CTNNA3: variants seen among roughly 807,000 people sequenced by gnomAD.
CTNNA3 encodes catenin alpha 3, also known as catenin alpha-3.
A neutral mutation model predicts 95.7 loss-of-function variants in CTNNA3; 76 were observed. That is an observed-to-expected ratio of 0.79 (90% confidence interval 0.66 to 0.96). CTNNA3 has a LOEUF of 0.96. Among genes scored for constraint, CTNNA3 ranks in the 40% least tolerant of loss-of-function variants. CTNNA3 has a pLI of 0.00. For synonymous variants in CTNNA3, 431 were observed against 374.4 expected (o/e 1.15, Z -1.74); for missense variants, 1,191 against 1,089.8 (o/e 1.09, Z -1.31).
At chr10:67,448,444 T>C (rs552374990) in intron 5 of CTNNA3, among the ~76,000 whole-genome samples, 1 of 151,970 alleles carries the variant, frequency 6.6e-6, no homozygotes, top group Non-Finnish European at 1.5e-5. Context: ...GCTATAATAA[T>C]AAAACAAAGT....
intron 9 of CTNNA3, among the ~76,000 whole-genome samples, chr10:66,712,617 C>CACACACACACACACACACACAG: frequency 6.6e-6 from 1 of 152,216 alleles, no homozygotes; most frequent in East Asian, 1.9e-4. Flanking sequence ...CTCACACACA[C>CACACACACACACACACACACAG]AGCAAGAGAC....
chr10:67,725,805 C>T (rs917562520), intron 1 of CTNNA3, among the ~76,000 whole-genome samples: 3 of 150,490 alleles, frequency 2.0e-5, no homozygotes, highest in East Asian at 3.9e-4. Flanking sequence ...CATGGCACCC[C>T]TTATTCGCCA....
chr10:66,674,297 T>C (rs572751770), intron 9 of CTNNA3, among the ~76,000 whole-genome samples: 2 of 152,044 alleles, frequency 1.3e-5, no homozygotes, highest in African/African-American at 2.4e-5. Flanking sequence ...GGTTTTTTTG[T>C]TGTTGTTCTT....
chr10:67,485,463 A>G (rs1848408418), intron 5 of CTNNA3, among the ~76,000 whole-genome samples: 1 of 152,156 alleles, frequency 6.6e-6, no homozygotes, highest in Admixed American at 6.6e-5. Context: ...AACCATGTAC[A>G]TGTACAAACC....
intron 1 of CTNNA3, among the ~76,000 whole-genome samples, chr10:67,739,048 C>G (rs779806050): frequency 3.2e-4 from 49 of 152,242 alleles, no homozygotes; most frequent in South Asian, 1.5e-3. Context: ...ACTTCCCCAA[C>G]CTAGCAAGGC....
chr10:66,517,047 T>A (rs917108141), intron 11 of CTNNA3, among the ~76,000 whole-genome samples: 33 of 151,856 alleles, frequency 2.2e-4, no homozygotes, highest in African/African-American at 7.7e-4. Context: ...ACAGTGAAAC[T>A]CCATCTCTAC....
At chr10:66,394,840 T>A (rs966645692) in intron 11 of CTNNA3, among the ~76,000 whole-genome samples, 5 of 151,828 alleles carry the variant, frequency 3.3e-5, no homozygotes, top group Admixed American at 6.6e-5. Context: ...GAAAAGCAAA[T>A]CCCAGTACTG....
intron 10 of CTNNA3, among the ~76,000 whole-genome samples, chr10:66,550,300 C>T (rs912665146): frequency 1.1e-4 from 17 of 151,816 alleles, no homozygotes; most frequent in Non-Finnish European, 1.9e-4. Flanking sequence ...TTTTACTTAC[C>T]TTCAGTCTGT....
intron 3 of CTNNA3, among the ~76,000 whole-genome samples, chr10:67,553,773 A>T (rs1186788868): frequency 2.0e-5 from 3 of 151,078 alleles, no homozygotes; most frequent in African/African-American, 7.3e-5. Flanking sequence ...TTTTTTTTTA[A>T]TTATACTTTA....
intron 11 of CTNNA3, among the ~76,000 whole-genome samples, chr10:66,502,090 T>A (rs182196858): frequency 6.6e-6 from 1 of 152,272 alleles, no homozygotes; most frequent in African/African-American, 2.4e-5. Flanking sequence ...AAAACTGGAA[T>A]GAAAAATGAC....
intron 7 of CTNNA3, among the ~76,000 whole-genome samples, chr10:66,865,624 T>C (rs1844144195): frequency 2.0e-5 from 3 of 152,114 alleles, no homozygotes; most frequent in African/African-American, 7.2e-5. Context: ...TTATATTATA[T>C]AAAATATGTA....
intron 11 of CTNNA3, among the ~76,000 whole-genome samples, chr10:66,400,731 C>T (rs1477430281): frequency 1.3e-5 from 2 of 152,080 alleles, no homozygotes; most frequent in African/African-American, 2.4e-5. Context: ...TTATTTCTTT[C>T]AATAGATAGA....
chr10:67,517,180 T>C (rs901837631), intron 5 of CTNNA3, among the ~76,000 whole-genome samples: 1 of 152,080 alleles, frequency 6.6e-6, no homozygotes, highest in Non-Finnish European at 1.5e-5. Flanking sequence ...CCTCTATACT[T>C]TTTCCGAAAT....
chr10:65,980,594 C>T (rs906895926), intron 16 of CTNNA3, among the ~76,000 whole-genome samples: 2 of 149,502 alleles, frequency 1.3e-5, no homozygotes, highest in African/African-American at 4.9e-5. Flanking sequence ...AAATCCCCAA[C>T]AAAATTCTAG....
intron 7 of CTNNA3, among the ~76,000 whole-genome samples, chr10:66,895,914 C>CAAAAAAAAA (rs869248195): frequency 2.5e-5 from 2 of 80,192 alleles, no homozygotes; most frequent in African/African-American, 1.1e-4. Context: ...CCTGTCTCTA[C>CAAAAAAAAA]AAAAAAAAAA....
intron 9 of CTNNA3, among the ~76,000 whole-genome samples, chr10:66,695,178 A>G (rs551258374): frequency 4.1e-4 from 63 of 152,298 alleles, no homozygotes; most frequent in African/African-American, 1.2e-3. Context: ...CATTAAATAG[A>G]TTGCTATGTA....
At chr10:66,157,483 A>G (rs996877433) in intron 13 of CTNNA3, among the ~76,000 whole-genome samples, 9 of 119,992 alleles carry the variant, frequency 7.5e-5, no homozygotes, top group African/African-American at 2.9e-4. Context: ...TGATAGATAG[A>G]TAGATATGTA....
chr10:66,822,976 C>T (rs1842353296), intron 7 of CTNNA3, among the ~76,000 whole-genome samples: 1 of 152,168 alleles, frequency 6.6e-6, no homozygotes, highest in Admixed American at 6.5e-5. Flanking sequence ...ACAGACAGAA[C>T]AAGAAAGGCT....
intron 14 of CTNNA3, among the ~76,000 whole-genome samples, chr10:66,075,811 C>T (rs1221582816): frequency 6.6e-6 from 1 of 151,578 alleles, no homozygotes. Flanking sequence ...GTCCATGTGT[C>T]TTCATTAGTA....
Sources: gnomAD v4.1 joint callset for allele counts (sites outside exome capture counted in the v4.1 genomes callset) on GRCh38, gnomAD v4.1.1 for gene constraint, MANE v1.5 for transcripts, NCBI Gene and HGNC (gene_info 2026-07-23, HGNC 2026-07-21) for gene names.